Variants in CACNA1E observed in about 807,000 individuals in gnomAD.
CACNA1E encodes the protein calcium voltage-gated channel subunit alpha1 E.
A neutral mutation model predicts 259.2 loss-of-function variants in CACNA1E; 40 were observed. The ratio of observed to expected loss-of-function variants is 0.15; its 90% confidence interval spans 0.12 to 0.20. CACNA1E has a LOEUF of 0.20. Ranked by LOEUF, CACNA1E falls within the 10% of genes least tolerant of loss-of-function variation. The probability of loss-of-function intolerance (pLI) is 1.00; values close to 1 mark genes in which losing one functional copy is unlikely to be tolerated. For synonymous variants in CACNA1E, 1,104 were observed against 1,138.5 expected, an observed-to-expected ratio of 0.97 and a Z score of 0.61; for missense variants, 1,874 against 3,040.1, an observed-to-expected ratio of 0.62 and a Z score of 9.02.
At chr1:181,612,149 C>G (rs1572376572) in intron 6 of CACNA1E, among the ~76,000 whole-genome samples, 1 of 152,132 alleles carries the variant, frequency 6.6e-6, no homozygotes, top group Admixed American at 6.5e-5. Context: ...AGGGAAAGAG[C>G]ACCAGAGGAA....
intron 1 of CACNA1E, among the ~76,000 whole-genome samples, chr1:181,363,274 G>T (rs1394395345): frequency 6.6e-6 from 1 of 152,138 alleles, no homozygotes; most frequent in East Asian, 1.9e-4. Flanking sequence ...AAACAAACCC[G>T]CTTGTGAATA....
chr1:181,715,299 A>G, intron 8 of CACNA1E, 39 bp from the exon 9 acceptor site: 1 of 1,310,808 alleles, frequency 7.6e-7, no homozygotes, highest in Non-Finnish European at 1.1e-6. Context: ...ATAATTTGGC[A>G]TTTACAGATA....
chr1:181,591,297 A>G (rs2103024417), intron 6 of CACNA1E, among the ~76,000 whole-genome samples: 1 of 152,298 alleles, frequency 6.6e-6, no homozygotes, highest in Middle Eastern at 3.4e-3. Context: ...GAAAGCTTCT[A>G]GTTCTGTGTT....
chr1:181,419,848 A>G (rs1313564439), intron 2 of CACNA1E, among the ~76,000 whole-genome samples: 1 of 152,122 alleles, frequency 6.6e-6, no homozygotes, highest in Non-Finnish European at 1.5e-5. Context: ...GGAAGTGGGG[A>G]GTCTGTTCTC....
At chr1:181,738,132 A>T (rs1308623850) in intron 23 of CACNA1E, among the ~76,000 whole-genome samples, 14 of 152,190 alleles carry the variant, frequency 9.2e-5, no homozygotes, top group Non-Finnish European at 1.5e-5. Context: ...AACGAGAGGG[A>T]GCAGCCAAGG....
chr1:181,780,489 G>A (rs1660329296), intron 38 of CACNA1E, among the ~76,000 whole-genome samples: 1 of 152,172 alleles, frequency 6.6e-6, no homozygotes, highest in African/African-American at 2.4e-5. Context: ...GCACTGCCCA[G>A]GCAGCTGGAA....
intron 1 of CACNA1E, among the ~76,000 whole-genome samples, chr1:181,356,814 T>C (rs1377827192): frequency 6.6e-6 from 1 of 152,180 alleles, no homozygotes; most frequent in Non-Finnish European, 1.5e-5. Flanking sequence ...GGAGGTTAGC[T>C]TCTCTATGCT....
upstream of CACNA1E, among the ~76,000 whole-genome samples, chr1:181,478,647 G>A (rs1318085592): frequency 6.6e-6 from 1 of 152,226 alleles, no homozygotes; most frequent in Admixed American, 6.5e-5. Context: ...GGCAGGGTGG[G>A]GGAAGATGAA....
At chr1:181,698,001 G>A (rs1651878617) in intron 7 of CACNA1E, among the ~76,000 whole-genome samples, 1 of 152,196 alleles carries the variant, frequency 6.6e-6, no homozygotes, top group Admixed American at 6.5e-5. Context: ...GTCTCTGATG[G>A]CTCCAAACTC....
At chr1:181,749,750 C>T (rs1473727469) in intron 25 of CACNA1E, among the ~76,000 whole-genome samples, 7 of 152,328 alleles carry the variant, frequency 4.6e-5, no homozygotes, top group Middle Eastern at 3.4e-3. Flanking sequence ...ATTTTAAATG[C>T]CTCACCAGTA....
chr1:181,327,854 A>G (rs1276619367), intron 1 of CACNA1E, among the ~76,000 whole-genome samples: 2 of 152,140 alleles, frequency 1.3e-5, no homozygotes, highest in East Asian at 3.8e-4. Flanking sequence ...CATTTCTCAC[A>G]ATTCTGTGGG....
intron 38 of CACNA1E, among the ~76,000 whole-genome samples, chr1:181,778,112 G>A (rs1660119720): frequency 6.6e-6 from 1 of 152,242 alleles, no homozygotes. Context: ...TTTCTTCTGT[G>A]TGCTTTGTAA....
intron 15 of CACNA1E, among the ~76,000 whole-genome samples, 164 bp from the exon 16 acceptor site, chr1:181,721,594 A>G (rs1440841750): frequency 6.6e-6 from 1 of 152,066 alleles, no homozygotes; most frequent in African/African-American, 2.4e-5. Flanking sequence ...AAAAAAGTTT[A>G]GGATTATTTA....
intron 26 of CACNA1E, among the ~76,000 whole-genome samples, chr1:181,751,428 A>G (rs553435683): frequency 1.3e-5 from 2 of 152,202 alleles, no homozygotes; most frequent in Non-Finnish European, 1.5e-5. Context: ...GGTGCACACC[A>G]TCTGCAATGG....
intron 2 of CACNA1E, among the ~76,000 whole-genome samples, chr1:181,418,171 A>G (rs1031558718): frequency 6.6e-6 from 1 of 151,944 alleles, no homozygotes; most frequent in Admixed American, 6.6e-5. Context: ...TTTATATTTT[A>G]TGTTTTTTTA....
intron 1 of CACNA1E, among the ~76,000 whole-genome samples, chr1:181,503,343 G>A (rs1240602384): frequency 6.6e-6 from 1 of 152,216 alleles, no homozygotes; most frequent in Non-Finnish European, 1.5e-5. Flanking sequence ...CCTGTTCTTA[G>A]CCCTGGCCTG....
At position 181,583,144 on chromosome 1, in the gene CACNA1E, A is replaced by ACT. The variant is rs1553287954; in HGVS notation, c.951+2369_951+2370dup. On this transcript the variant is annotated intron_variant, in intron 6 of 47. Coordinates refer to ENST00000367573, the MANE Select transcript of CACNA1E (RefSeq NM_001205293.3). ...CACACACACACACACACACACACAC[A>ACT]CTTATACACACTGGTTGCGTACCAT... is the stretch of plus-strand genomic sequence containing the variant. 1.2e-3 allele frequency among the ~76,000 whole-genome samples: 187 copies of ACT among 150,156 alleles called. 2 individuals are homozygous for ACT. Among genetic ancestry groups the ACT allele is most frequent in the African/African-American group, 4.5e-3 (181 of 40,634 alleles).
intron 2 of CACNA1E, among the ~76,000 whole-genome samples, chr1:181,469,582 A>C (rs1429772341): frequency 6.6e-6 from 1 of 152,188 alleles, no homozygotes; most frequent in Non-Finnish European, 1.5e-5. Flanking sequence ...GCCGAAGATA[A>C]AGGTTTGGAA....
chr1:181,377,639 A>G (rs1013834046), intron 1 of CACNA1E, among the ~76,000 whole-genome samples: 1 of 152,240 alleles, frequency 6.6e-6, no homozygotes, highest in South Asian at 2.1e-4. Flanking sequence ...ATTCAAGCCC[A>G]TAATATTAGC....
Sources: gnomAD v4.1 joint callset for allele counts (sites outside exome capture counted in the v4.1 genomes callset) on GRCh38, gnomAD v4.1.1 for gene constraint, MANE v1.5 for transcripts, NCBI Gene and HGNC (gene_info 2026-07-23, HGNC 2026-07-21) for gene names.